The following WDR72 variants were observed in gnomAD, a reference collection of about 807,000 sequenced individuals.
WDR72 encodes the protein WD repeat domain 72.
A neutral mutation model predicts 124.2 loss-of-function variants in WDR72; 120 were observed. That is an observed-to-expected ratio of 0.97 (90% CI 0.83 to 1.12). WDR72 has a LOEUF of 1.12. WDR72 is among the 50% of genes most tolerant of loss of function. The pLI is 0.00. For missense variants in WDR72, 1,387 were observed against 1,278.8 expected, an observed-to-expected ratio of 1.08 and a Z score of -1.29; for synonymous variants, 452 against 441.7, an observed-to-expected ratio of 1.02 and a Z score of -0.29.
chr15:53,546,843 T>A (rs1451622589), intron 18 of WDR72, among the ~76,000 whole-genome samples: 2 of 152,022 alleles, frequency 1.3e-5, no homozygotes, highest in Non-Finnish European at 2.9e-5. Flanking sequence ...ATTTAAGAAG[T>A]CTTAAGCGAT....
intron 13 of WDR72, among the ~76,000 whole-genome samples, chr15:53,668,779 G>A (rs2015865941): frequency 6.6e-6 from 1 of 151,436 alleles, no homozygotes; most frequent in African/African-American, 2.4e-5. Context: ...GGTGGCATGT[G>A]CTTGTAGTCA....
At chr15:53,759,512 T>G (rs1205404956) in intron 1 of WDR72, 121 bp downstream of exon 1, 1 of 152,168 alleles carries the variant, frequency 6.6e-6, no homozygotes, top group Non-Finnish European at 1.5e-5. Flanking sequence ...GCGCGGGCCG[T>G]CCCCTCCTGC....
chr15:53,692,333 G>T (rs2016870678), intron 13 of WDR72, among the ~76,000 whole-genome samples: 1 of 152,148 alleles, frequency 6.6e-6, no homozygotes. Context: ...CACCAGAACA[G>T]GAAATAATTA....
At chr15:53,639,807 C>T (rs115374946) in intron 14 of WDR72, among the ~76,000 whole-genome samples, 19 of 152,036 alleles carry the variant, frequency 1.2e-4, no homozygotes, top group African/African-American at 4.6e-4. Flanking sequence ...AGACCACCTT[C>T]CCTAAACCTT....
intron 14 of WDR72, among the ~76,000 whole-genome samples, chr15:53,629,669 G>GATCT (rs2140391986): frequency 6.6e-6 from 1 of 152,210 alleles, no homozygotes; most frequent in East Asian, 1.9e-4. Context: ...TTGTGACAAG[G>GATCT]ATCTTTTCTT....
At chr15:53,555,588 T>C (rs1319250098) in intron 18 of WDR72, among the ~76,000 whole-genome samples, 1 of 152,128 alleles carries the variant, frequency 6.6e-6, no homozygotes, top group Non-Finnish European at 1.5e-5. Flanking sequence ...GTGGTATTCT[T>C]TGTAGTTTTG....
intron 18 of WDR72, among the ~76,000 whole-genome samples, chr15:53,596,781 T>G (rs942937597): frequency 1.6e-4 from 24 of 152,174 alleles, no homozygotes; most frequent in Non-Finnish European, 1.6e-4. Flanking sequence ...ACAGGGCACT[T>G]GGCTCAGCTC....
chr15:53,517,897 A>G (rs900113159), intron 19 of WDR72, 143 bp from the exon 20 acceptor site: 14 of 760,022 alleles, frequency 1.8e-5, no homozygotes, highest in Non-Finnish European at 3.1e-5. Context: ...AAAAAGAAAG[A>G]AAGGAAGAAA....
intron 14 of WDR72, among the ~76,000 whole-genome samples, chr15:53,646,671 T>C (rs1230122073): frequency 6.6e-6 from 1 of 152,092 alleles, no homozygotes; most frequent in East Asian, 1.9e-4. Flanking sequence ...TGGAAAGGGA[T>C]TGAAACCAAG....
At chr15:53,538,793 C>G (rs1892902740) in intron 18 of WDR72, among the ~76,000 whole-genome samples, 1 of 152,030 alleles carries the variant, frequency 6.6e-6, no homozygotes, top group South Asian at 2.1e-4. Context: ...CAGAATGAAT[C>G]AGATCACTGC....
chr15:53,605,570 G>A (rs1014370328), intron 17 of WDR72, among the ~76,000 whole-genome samples: 28 of 152,196 alleles, frequency 1.8e-4, no homozygotes, highest in African/African-American at 6.8e-4. Context: ...GTAATTTGAG[G>A]ATAGCCGGGC....
intron 18 of WDR72, among the ~76,000 whole-genome samples, chr15:53,550,608 A>T (rs951019498): frequency 6.6e-6 from 1 of 152,232 alleles, no homozygotes; most frequent in Non-Finnish European, 1.5e-5. Context: ...ACTCTGCTCC[A>T]GCAGAGAAAA....
chr15:53,557,322 A>AG (rs1893966784), intron 18 of WDR72, among the ~76,000 whole-genome samples: 1 of 152,060 alleles, frequency 6.6e-6, no homozygotes, highest in African/African-American at 2.4e-5. Context: ...ATTATCTTGG[A>AG]GAAAAAAACT....
chr15:53,691,292 C>A (rs1314821400), intron 13 of WDR72, among the ~76,000 whole-genome samples: 1 of 152,128 alleles, frequency 6.6e-6, no homozygotes, highest in Admixed American at 6.5e-5. Flanking sequence ...CTCAAGTGAT[C>A]CTCCTACCTT....
At chr15:53,709,415 C>T (rs1301808230) in intron 9 of WDR72, among the ~76,000 whole-genome samples, 17 of 152,130 alleles carry the variant, frequency 1.1e-4, no homozygotes, top group Non-Finnish European at 2.2e-4. Flanking sequence ...TTTTGAGAAA[C>T]AAAGCAAGGT....
At chr15:53,619,345 T>C (rs2013896263) in intron 14 of WDR72, among the ~76,000 whole-genome samples, 1 of 151,296 alleles carries the variant, frequency 6.6e-6, no homozygotes, top group Non-Finnish European at 1.5e-5. Flanking sequence ...AGTGCACTCT[T>C]TAAGAGAGGA....
rs557952251 is a variant in WDR72 at position 53,724,543 on chromosome 15, GA to G, written c.154-1636del. ...AGCACATCTTATCATGGCAGAGCAG[GA>G]GACAGAGAGTGACGGGGGATGTGCC... On this transcript the variant is annotated intron_variant, in intron 2 of 19. Transcript: ENST00000360509. 2.4e-3 allele frequency among the ~76,000 whole-genome samples: 360 copies of G among 152,286 alleles called. 3 individuals carry two copies. The highest frequency in any genetic ancestry group is 8.5e-3 in the African/African-American group (352 of 41,562).
At chr15:53,716,716 G>T in intron 3 of WDR72, 31 bp from the exon 4 acceptor site, 1 of 1,511,810 alleles carries the variant, frequency 6.6e-7, no homozygotes, top group Non-Finnish European at 9.2e-7. Flanking sequence ...GTTATTCTCT[G>T]TCATTTCCAC....
chr15:53,540,448 C>G (rs1335706632), intron 18 of WDR72, among the ~76,000 whole-genome samples: 2 of 151,856 alleles, frequency 1.3e-5, no homozygotes, highest in East Asian at 1.9e-4. Flanking sequence ...ATCGTTCCAC[C>G]TGGAAATTTC....
Sources: allele counts gnomAD v4.1 joint callset (sites outside exome capture counted in the v4.1 genomes callset), GRCh38; gene constraint gnomAD v4.1.1; transcripts MANE v1.5; gene names NCBI Gene and HGNC (gene_info 2026-07-23, HGNC 2026-07-21).